The following RBFOX1 variants were observed in gnomAD, a reference collection of about 807,000 sequenced individuals.
The protein encoded by RBFOX1 is RNA binding protein fox-1 homolog 1.
Under a neutral mutation model 57.7 loss-of-function variants are expected in RBFOX1, and 8 were observed. The ratio of observed to expected loss-of-function variants is 0.14; its 90% confidence interval spans 0.08 to 0.25. RBFOX1 has a LOEUF of 0.25. Among genes scored for constraint, RBFOX1 ranks in the 10% least tolerant of loss-of-function variants. The pLI is 1.00. For missense variants in RBFOX1, 611 were observed against 548.5 expected (o/e 1.11, Z -1.14); for synonymous variants, 326 against 222.4 (o/e 1.47, Z -4.15).
At chr16:7,332,442 A>G (rs765729561) in intron 4 of RBFOX1, among the ~76,000 whole-genome samples, 14 of 152,218 alleles carry the variant, frequency 9.2e-5, no homozygotes, top group Non-Finnish European at 2.1e-4. Flanking sequence ...ACTAGACTGA[A>G]TATCTTCTTA....
chr16:7,261,592 G>A (rs1474893600), intron 4 of RBFOX1, among the ~76,000 whole-genome samples: 1 of 152,150 alleles, frequency 6.6e-6, no homozygotes, highest in Non-Finnish European at 1.5e-5. Context: ...AGACTTCCCT[G>A]TGCAGAGGCA....
At chr16:5,395,187 G>T (rs1307001222) in intron 1 of RBFOX1, among the ~76,000 whole-genome samples, 1 of 152,186 alleles carries the variant, frequency 6.6e-6, no homozygotes, top group Non-Finnish European at 1.5e-5. Flanking sequence ...TTTCACATCT[G>T]TCATGACCTC....
chr16:7,208,836 C>T (rs889619012), intron 4 of RBFOX1, among the ~76,000 whole-genome samples: 29 of 152,072 alleles, frequency 1.9e-4, no homozygotes, highest in African/African-American at 6.8e-4. Context: ...GATTCTGTGT[C>T]TGTAAGCAAA....
chr16:5,670,056 A>G (rs906473792), intron 3 of RBFOX1, among the ~76,000 whole-genome samples: 1 of 152,186 alleles, frequency 6.6e-6, no homozygotes, highest in South Asian at 2.1e-4. Flanking sequence ...CCTTGAAAAC[A>G]TGCTAAGTGA....
intron 3 of RBFOX1, among the ~76,000 whole-genome samples, chr16:7,008,210 C>T (rs895063424): frequency 7.2e-5 from 11 of 152,092 alleles, no homozygotes; most frequent in Admixed American, 6.5e-4. Flanking sequence ...GGCGAATTGG[C>T]TTTAATGAGT....
intron 2 of RBFOX1, among the ~76,000 whole-genome samples, chr16:6,651,650 G>T (rs554730808): frequency 6.6e-6 from 1 of 152,240 alleles, no homozygotes; most frequent in African/African-American, 2.4e-5. Flanking sequence ...CGGTAGGGTG[G>T]TTCCTCAAAA....
intron 3 of RBFOX1, among the ~76,000 whole-genome samples, chr16:5,774,919 G>A (rs1272898058): frequency 6.6e-6 from 1 of 152,086 alleles, no homozygotes; most frequent in Non-Finnish European, 1.5e-5. Context: ...CTGACCTCAG[G>A]TGATCCACCC....
At chr16:7,590,953 G>A (rs139369148) in intron 7 of RBFOX1, among the ~76,000 whole-genome samples, 1 of 151,672 alleles carries the variant, frequency 6.6e-6, no homozygotes. Flanking sequence ...AGCCAACCAT[G>A]AGTAAGACAG....
chr16:5,865,241 C>G (rs530107111), intron 3 of RBFOX1, among the ~76,000 whole-genome samples: 29 of 152,232 alleles, frequency 1.9e-4, no homozygotes, highest in African/African-American at 7.0e-4. Context: ...GAGAAATACA[C>G]ACATTCACGT....
intron 3 of RBFOX1, among the ~76,000 whole-genome samples, chr16:5,724,777 C>A (rs1024193059): frequency 6.6e-6 from 1 of 150,928 alleles, no homozygotes; most frequent in Admixed American, 6.6e-5. Context: ...ATACTGGGTG[C>A]TTATATTCTT....
intron 1 of RBFOX1, among the ~76,000 whole-genome samples, chr16:5,429,677 C>T (rs980314646): frequency 2.6e-5 from 4 of 152,204 alleles, no homozygotes; most frequent in Non-Finnish European, 5.9e-5. Flanking sequence ...TCAACCCTAC[C>T]TCTGAGGGGC....
In RBFOX1 at chr16:5,887,545, G is replaced by A. The variant is rs115074470; in HGVS notation, c.351+20210G>A. Among the ~76,000 whole-genome samples, 225 of 152,262 alleles carry A rather than the reference G, an allele frequency of 1.5e-3. 2 individuals are homozygous for A. Among genetic ancestry groups the A allele is most frequent in the African/African-American group, 5.2e-3 (216 of 41,540 alleles). On this transcript the variant is annotated intron_variant, in intron 4 of 19. Transcript: ENST00000641259. ...GCCTCCTGAGTAGCTGGGATTACAG[G>A]CACTCCCCAATGCGCCTGGATAATT...
intron 1 of RBFOX1, among the ~76,000 whole-genome samples, chr16:5,437,491 A>G (rs1397690350): frequency 6.6e-6 from 1 of 152,200 alleles, no homozygotes; most frequent in Non-Finnish European, 1.5e-5. Flanking sequence ...TTATATTGCA[A>G]ACTACCTAAA....
intron 3 of RBFOX1, among the ~76,000 whole-genome samples, chr16:6,717,787 G>A (rs1442655998): frequency 6.6e-6 from 1 of 152,100 alleles, no homozygotes; most frequent in Non-Finnish European, 1.5e-5. Flanking sequence ...TCTCAACATG[G>A]ACCCAGCAGA....
intron 4 of RBFOX1, among the ~76,000 whole-genome samples, chr16:7,463,231 T>C (rs1472397254): frequency 6.6e-6 from 1 of 152,166 alleles, no homozygotes; most frequent in Non-Finnish European, 1.5e-5. Flanking sequence ...TAGCCAGGCA[T>C]GCTGGCTCAC....
At chr16:7,300,776 A>T (rs543553466) in intron 4 of RBFOX1, among the ~76,000 whole-genome samples, 1 of 152,340 alleles carries the variant, frequency 6.6e-6, no homozygotes, top group South Asian at 2.1e-4. Flanking sequence ...GTCAAATTAA[A>T]ACTTGGGTAG....
rs896762061 is a variant in RBFOX1 at position 7,583,791 on chromosome 16, C to T, written c.415-3456C>T. On this transcript the variant is annotated intron_variant, in intron 6 of 15. Coordinates refer to ENST00000550418, the MANE Select transcript of RBFOX1 (RefSeq NM_018723.4). ...AGTTCAAGAATTTTAGACCAGCCTG[C>T]GCAACATAGGGAGACCCAGTTTCTA... Among the ~76,000 whole-genome samples the T allele has an allele frequency of 5.9e-5, 9 of 152,018 alleles. No individual in the cohort carries two copies. The East Asian group carries it at 7.7e-4, about 13-fold the overall frequency.
At chr16:6,429,829 C>T (rs59791771) in intron 2 of RBFOX1, among the ~76,000 whole-genome samples, 6,371 of 152,226 alleles carry the variant, frequency 0.042, 454 homozygotes, top group African/African-American at 0.14. Flanking sequence ...CTCTTTCCTG[C>T]CCAGCGTGGT....
intron 3 of RBFOX1, among the ~76,000 whole-genome samples, chr16:5,811,099 T>A (rs921898615): frequency 6.6e-6 from 1 of 151,888 alleles, no homozygotes; most frequent in African/African-American, 2.4e-5. Context: ...GTACATTGGT[T>A]TGCAGTTTTT....
Sources: gnomAD v4.1 joint callset for allele counts (sites outside exome capture counted in the v4.1 genomes callset) on GRCh38, gnomAD v4.1.1 for gene constraint, MANE v1.5 for transcripts, NCBI Gene and HGNC (gene_info 2026-07-23, HGNC 2026-07-21) for gene names.